SMOC2: variants seen among roughly 807,000 people sequenced by gnomAD.
The protein encoded by SMOC2 is SPARC-related modular calcium-binding protein 2.
Under a neutral mutation model 61.4 loss-of-function variants are expected in SMOC2, and 39 were observed. The observed-to-expected ratio is 0.64, with a 90% CI of 0.49 to 0.83. SMOC2 has a LOEUF of 0.83. SMOC2 is among the 40% of genes least tolerant of loss of function. SMOC2 has a pLI of 0.00. For synonymous variants in SMOC2, 247 were observed against 239.9 expected (o/e 1.03, Z -0.27); for missense variants, 556 against 592.9 (o/e 0.94, Z 0.65).
chr6:168,621,301 T>C (rs1562387861), intron 9 of SMOC2, among the ~76,000 whole-genome samples: 1 of 152,236 alleles, frequency 6.6e-6, no homozygotes, highest in Non-Finnish European at 1.5e-5. Context: ...TCAACTTACT[T>C]GAAATGTATA....
At chr6:168,656,520 A>G (rs1455710131) in intron 11 of SMOC2, among the ~76,000 whole-genome samples, 2 of 146,136 alleles carry the variant, frequency 1.4e-5, no homozygotes, top group East Asian at 2.0e-4. Context: ...AAAAAAAAAA[A>G]AAAAAAAAAA....
At chr6:168,599,297 TACC>T (rs1433009175) in intron 8 of SMOC2, among the ~76,000 whole-genome samples, 1 of 47,506 alleles carries the variant, frequency 2.1e-5, no homozygotes, top group Non-Finnish European at 4.2e-5. Flanking sequence ...CACACACACA[TACC>T]ACACACACAC....
chr6:168,656,779 G>A (rs989181482), intron 11 of SMOC2, among the ~76,000 whole-genome samples: 2 of 152,238 alleles, frequency 1.3e-5, no homozygotes, highest in Non-Finnish European at 2.9e-5. Context: ...TCTGTGAAAA[G>A]TCAGCTCTGA....
chr6:168,659,519 A>AGTATG (rs1562410421), intron 11 of SMOC2, among the ~76,000 whole-genome samples: 6 of 2,596 alleles, frequency 2.3e-3, no homozygotes, highest in Non-Finnish European at 3.2e-3. Context: ...TGGAGGTTGT[A>AGTATG]GGTTGGGTGA....
At chr6:168,510,517 A>C (rs1782981475) in intron 2 of SMOC2, among the ~76,000 whole-genome samples, 1 of 152,210 alleles carries the variant, frequency 6.6e-6, no homozygotes, top group Non-Finnish European at 1.5e-5. Context: ...TAAGAGTCTA[A>C]TGCTTAGAGC....
intron 7 of SMOC2, among the ~76,000 whole-genome samples, chr6:168,560,816 A>G (rs371072223): frequency 1.5e-3 from 57 of 39,002 alleles, no homozygotes; most frequent in South Asian, 2.3e-3. Flanking sequence ...GCCCTGAGAC[A>G]CGAGGCTCTC....
chr6:168,609,880 A>G (rs1785811236), intron 9 of SMOC2, among the ~76,000 whole-genome samples: 1 of 152,144 alleles, frequency 6.6e-6, no homozygotes, highest in Non-Finnish European at 1.5e-5. Context: ...TGGTCTTCAC[A>G]CAGGTGATAC....
chr6:168,549,068 T>C, intron 6 of SMOC2, 61 bp from the exon 7 acceptor site: 1 of 1,392,242 alleles, frequency 7.2e-7, no homozygotes, highest in South Asian at 1.2e-5. Context: ...ACTGCGTAAC[T>C]AAGGAACATT....
intron 7 of SMOC2, among the ~76,000 whole-genome samples, chr6:168,554,704 G>A (rs1484409012): frequency 6.6e-6 from 1 of 152,232 alleles, no homozygotes; most frequent in African/African-American, 2.4e-5. Flanking sequence ...TTTGGTGTTC[G>A]TGGCCCACTG....
chr6:168,633,039 C>T (rs1000507313), intron 9 of SMOC2, among the ~76,000 whole-genome samples: 1 of 152,176 alleles, frequency 6.6e-6, no homozygotes, highest in Non-Finnish European at 1.5e-5. Flanking sequence ...GGAGTTCACT[C>T]TCTGTCAAGT....
intron 9 of SMOC2, among the ~76,000 whole-genome samples, chr6:168,624,022 G>C (rs1044212030): frequency 3.3e-5 from 5 of 152,222 alleles, no homozygotes; most frequent in Admixed American, 1.3e-4. Flanking sequence ...GCTCACCCGA[G>C]TGGCTGCACG....
At chr6:168,602,008 T>A (rs568301153) in intron 8 of SMOC2, among the ~76,000 whole-genome samples, 1 of 152,218 alleles carries the variant, frequency 6.6e-6, no homozygotes, top group Non-Finnish European at 1.5e-5. Flanking sequence ...GCTCCTTTGA[T>A]TCTGCATGTA....
intron 9 of SMOC2, among the ~76,000 whole-genome samples, chr6:168,621,677 G>GA (rs1436856207): frequency 3.3e-5 from 5 of 151,530 alleles, no homozygotes; most frequent in Admixed American, 6.6e-5. Context: ...GCAGGAGAGA[G>GA]AAGGGGAAGT....
At chr6:168,567,500 CGTGTGT>C (rs201622209) in intron 7 of SMOC2, among the ~76,000 whole-genome samples, 2 of 148,708 alleles carry the variant, frequency 1.3e-5, no homozygotes, top group African/African-American at 4.9e-5. Flanking sequence ...TTTATTTGTG[CGTGTGT>C]GTGTGTGTGT....
rs1006011443 is a variant in SMOC2 at position 168,618,834 on chromosome 6, G to A, written c.907+10595G>A. 3.9e-5 allele frequency among the ~76,000 whole-genome samples: 6 copies of A among 152,210 alleles called. No individual in the cohort carries two copies. In the East Asian group the frequency reaches 7.7e-4, roughly 20 times the overall value. On this transcript the variant is annotated intron_variant, in intron 9 of 12. Coordinates refer to ENST00000356284, the MANE Select transcript of SMOC2 (RefSeq NM_001166412.2). ...CGACGCAGCAGGCACACGGGCATCC[G>A]GTCTGGGAGAGACAGCGATGGCAGG...
rs548221667 is a variant in SMOC2, at chr6:168,624,453, A to G, written c.907+16214A>G. On this transcript the variant is annotated intron_variant, in intron 9 of 12. Coordinates refer to ENST00000356284, the MANE Select transcript of SMOC2 (RefSeq NM_001166412.2). ...TCTGCAATCTATTATTGAAGGAACT[A>G]GAAGAGAATTGTTATGAAGTTGTCC... 2.0e-5 allele frequency among the ~76,000 whole-genome samples: 3 copies of G among 152,368 alleles called. No homozygotes were observed. The South Asian group carries it at 6.2e-4, about 32-fold the overall frequency.
intron 1 of SMOC2, among the ~76,000 whole-genome samples, chr6:168,506,158 T>C (rs1265235009): frequency 3.9e-5 from 6 of 151,974 alleles, no homozygotes; most frequent in Non-Finnish European, 7.4e-5. Flanking sequence ...CAGGTGCACA[T>C]TTATTGTGCA....
At chr6:168,529,290 T>A (rs527961728) in intron 4 of SMOC2, among the ~76,000 whole-genome samples, 2 of 152,002 alleles carry the variant, frequency 1.3e-5, no homozygotes, top group East Asian at 1.9e-4. Flanking sequence ...CATATAGAAG[T>A]CTGGTGTTTA....
chr6:168,666,114 A>G (rs1010911978), intron 12 of SMOC2, among the ~76,000 whole-genome samples: 1 of 152,364 alleles, frequency 6.6e-6, no homozygotes, highest in East Asian at 1.9e-4. Flanking sequence ...TTATTTTTGT[A>G]TAATCAAGGT....
Sources: allele counts gnomAD v4.1 joint callset (sites outside exome capture counted in the v4.1 genomes callset), GRCh38; gene constraint gnomAD v4.1.1; transcripts MANE v1.5; gene names NCBI Gene and HGNC (gene_info 2026-07-23, HGNC 2026-07-21).